Variants in PPP1R3B observed in about 807,000 individuals in gnomAD.
PPP1R3B encodes the protein PP1 subunit R4.
PPP1R3B carries 8 observed loss-of-function variants against 14.6 expected under a neutral mutation model. The ratio of observed to expected loss-of-function variants is 0.55; its 90% CI spans 0.32 to 0.99. The LOEUF (loss-of-function observed/expected upper bound fraction) is 0.99. PPP1R3B is among the 50% of genes least tolerant of loss of function. PPP1R3B has a pLI of 0.04. For missense variants in PPP1R3B, 452 were observed against 360.1 expected (o/e 1.26, Z -2.07); for synonymous variants, 169 against 142.0 (o/e 1.19, Z -1.35).
In PPP1R3B at chr8:9,141,166, T is replaced by C. The variant is rs754282831; in HGVS notation, c.486A>G (p.Ile162Met). Residue 162 changes from isoleucine (I) to methionine (M), a missense_variant, in exon 2 of 2, where the codon ATA becomes ATG. Ile to Met is a conservative substitution (Grantham distance 10, BLOSUM62 1). Coordinates refer to ENST00000310455, the MANE Select transcript of PPP1R3B (RefSeq NM_024607.4). ...TCTTCCAGGTGTCGAACGTCATCCT[T>C]ATTTTCACGGTCTTCTCAAATGCGA... is the stretch of plus-strand genomic sequence containing the variant. The part of the protein sequence containing the change: ...QNLAFEKTVK[I>M]RMTFDTWKSY... 1.2e-6 allele frequency: 2 copies of C among 1,613,964 alleles called. No individual in the cohort carries two copies. Among genetic ancestry groups the C allele is most frequent in the Admixed American group, 1.7e-5 (1 of 59,986 alleles).
At position 9,140,393 on chromosome 8, in the gene PPP1R3B, G is replaced by A; in HGVS notation, c.*401C>T. On this transcript the variant is annotated 3_prime_UTR_variant, in exon 2 of 2. Transcript: ENST00000310455. ...CAAAGATGAACACAATGAACAGTGA[G>A]GGTCTCACGCGAGGTGGCTGGGGCT... 4.3e-6 allele frequency: 1 copy of A among 235,082 alleles called. No homozygotes were observed. Among genetic ancestry groups the A allele is most frequent in the Non-Finnish European group, 8.5e-6 (1 of 118,334 alleles). The allele number at this position is 235,082 out of a possible 1,614,324, so 14.6% of individuals were successfully genotyped here. A position where few individuals can be genotyped will look rare whatever the true frequency, so the allele number is the denominator to read the frequency against.
rs1032081850 is a variant in PPP1R3B, at chr8:9,147,409, T to C, written c.-18+3154A>G. Among the ~76,000 whole-genome samples the C allele has an allele frequency of 2.0e-5, 3 of 152,008 alleles. No homozygotes were observed. In the East Asian group the frequency reaches 5.8e-4, roughly 30 times the overall value. On this transcript the variant is annotated intron_variant, in intron 1 of 1. Coordinates refer to ENST00000310455, the MANE Select transcript of PPP1R3B (RefSeq NM_024607.4). ...TGGGTGTGAACTGAGGGAGGAAGGGTTCCTCTTCACAGCTTCCTCCTCAAC... is the reference window on the plus strand; with the variant it reads ...TGGGTGTGAACTGAGGGAGGAAGGGCTCCTCTTCACAGCTTCCTCCTCAAC...
In PPP1R3B at chr8:9,141,345, T is replaced by A. The variant is rs757705240; in HGVS notation, c.307A>T (p.Thr103Ser). 6 of 1,614,110 alleles carry A rather than the reference T, an allele frequency of 3.7e-6. No homozygotes were observed. The highest frequency in any genetic ancestry group is 5.1e-6 in the Non-Finnish European group (6 of 1,180,060). The part of the protein sequence containing the change: ...TELLDNIVSL[T>S]TAESESFVLD... ...ACAAAGCTCTCGCTCTCTGCTGTCG[T>A]CAAGCTCACAATGTTGTCTAGGAGC... The change falls in exon 2 of 2, where the codon ACG (threonine) becomes TCG (serine). Residue 103 changes from threonine (T) to serine (S), a missense_variant. By Grantham distance (58) the Thr-to-Ser change is moderately conservative (BLOSUM62 1). Transcript: ENST00000310455.
At position 9,138,775 on chromosome 8, in the gene PPP1R3B, C is replaced by G. The variant is rs889465045; in HGVS notation, c.*2019G>C. 17 of 152,164 alleles carry G rather than the reference C, an allele frequency of 1.1e-4. No individual in the cohort carries two copies. Among genetic ancestry groups the G allele is most frequent in the Admixed American group, 1.1e-3 (17 of 15,282 alleles). The allele number at this position is 152,164 out of a possible 1,614,324, so 9.4% of individuals were successfully genotyped here. A position where few individuals can be genotyped will look rare whatever the true frequency, so the allele number is the denominator to read the frequency against. On this transcript the variant is annotated 3_prime_UTR_variant, in exon 2 of 2. Coordinates refer to ENST00000310455, the MANE Select transcript of PPP1R3B (RefSeq NM_024607.4). ...AAAATAAAAGAGTCGTTTAACCAAA[C>G]TCCAAAAACAAACAAAAATAGAAAA...
chr8:9,150,225 C>G (rs1801378061), intron 1 of PPP1R3B, among the ~76,000 whole-genome samples: 1 of 152,120 alleles, frequency 6.6e-6, no homozygotes, highest in African/African-American at 2.4e-5. Flanking sequence ...CAGGCAGGCC[C>G]CCGCCACTCA....
At position 9,141,157 on chromosome 8, in the gene PPP1R3B, C is replaced by T. The variant is rs138887555; in HGVS notation, c.495G>A (p.Thr165=). Residue 165 remains threonine (T), a synonymous_variant, in exon 2 of 2, where the codon ACG becomes ACA. Transcript: ENST00000310455. ...CTGTGTAGCTCTTCCAGGTGTCGAA[C>T]GTCATCCTTATTTTCACGGTCTTCT... ...AFEKTVKIRM[T]FDTWKSYTDF... The T allele has an allele frequency of 1.1e-5, 17 of 1,613,982 alleles. No homozygotes were observed. Among genetic ancestry groups the T allele is most frequent in the Admixed American group, 1.7e-5 (1 of 59,990 alleles).
intron 1 of PPP1R3B, among the ~76,000 whole-genome samples, chr8:9,148,371 C>T (rs936702600): frequency 1.3e-5 from 2 of 151,974 alleles, no homozygotes; most frequent in South Asian, 4.2e-4. Flanking sequence ...ATATGAGTCA[C>T]CAAAGTTGGC....
At chr8:9,149,640 T>C (rs1391227725) in intron 1 of PPP1R3B, among the ~76,000 whole-genome samples, 1 of 152,228 alleles carries the variant, frequency 6.6e-6, no homozygotes, top group South Asian at 2.1e-4. Flanking sequence ...GACATGGCCA[T>C]CTACCTCCCT....
In PPP1R3B at chr8:9,142,086, TGAG is replaced by T. The variant is rs1339301176; in HGVS notation, c.-17-421_-17-419del. Among the ~76,000 whole-genome samples the T allele has an allele frequency of 4.6e-5, 7 of 152,320 alleles. No individual in the cohort carries two copies. The East Asian group carries it at 1.2e-3, about 25-fold the overall frequency. On this transcript the variant is annotated intron_variant, in intron 1 of 1. Transcript: ENST00000310455. ...GGGTGTCTTCCACAGATAGCTGTCC[TGAG>T]GGACACTATTTATTTACGTATTTTT... is the stretch of plus-strand genomic sequence containing the variant.
At chr8:9,146,560 A>C (rs1263150938) in intron 1 of PPP1R3B, among the ~76,000 whole-genome samples, 1 of 152,244 alleles carries the variant, frequency 6.6e-6, no homozygotes, top group Non-Finnish European at 1.5e-5. Context: ...AAAAGTACAG[A>C]ACTTCCCTGG....
At position 9,150,380 on chromosome 8, in the gene PPP1R3B, G is replaced by A. The variant is rs945476095; in HGVS notation, c.-18+183C>T. 1.3e-5 allele frequency among the ~76,000 whole-genome samples: 2 copies of A among 152,198 alleles called. 1 individual carries two copies. Among genetic ancestry groups the A allele is most frequent in the South Asian group, 4.1e-4 (2 of 4,834 alleles). On this transcript the variant is annotated intron_variant, in intron 1 of 1. Transcript: ENST00000310455. ...ACCGGCCCCCACTCCCTCTTTTGCAGCTACTGTGCCTTCCACACCCCTTTT... is the reference window on the plus strand; with the variant it reads ...ACCGGCCCCCACTCCCTCTTTTGCAACTACTGTGCCTTCCACACCCCTTTT...
Position 9,140,659 on chromosome 8 carries a change from G to T in PPP1R3B, c.*135C>A, listed in dbSNP as rs1801043861. On this transcript the variant is annotated 3_prime_UTR_variant, in exon 2 of 2. Coordinates refer to ENST00000310455, the MANE Select transcript of PPP1R3B (RefSeq NM_024607.4). ...TTGCTGTTTAAGAAAGAAGTGAAGA[G>T]GATCCTTTTATTTTCCCAAACGGGG... 1.2e-6 allele frequency: 1 copy of T among 855,922 alleles called. No homozygotes were observed. The highest frequency in any genetic ancestry group is 2.8e-5 in the Admixed American group (1 of 36,258). The allele number at this position is 855,922 out of a possible 1,614,324, so 53.0% of individuals were successfully genotyped here. A position where few individuals can be genotyped will look rare whatever the true frequency, so the allele number is the denominator to read the frequency against.
At chr8:9,146,360 A>C (rs1387519770) in intron 1 of PPP1R3B, among the ~76,000 whole-genome samples, 2 of 152,078 alleles carry the variant, frequency 1.3e-5, no homozygotes, top group African/African-American at 2.4e-5. Context: ...TGGGGAGCTC[A>C]CTCTCAAGCA....
rs549970883 is a variant in PPP1R3B at position 9,149,755 on chromosome 8, T to G, written c.-18+808A>C. Among the ~76,000 whole-genome samples the G allele has an allele frequency of 3.3e-5, 5 of 152,342 alleles. No individual in the cohort carries two copies. The South Asian group carries it at 1.0e-3, about 32-fold the overall frequency. ...GACCATGGGGGCCTATTCACAGCCT[T>G]AAAGGCTCCTTGTACCCCTTGATCC... On this transcript the variant is annotated intron_variant, in intron 1 of 1. Transcript: ENST00000310455.
chr8:9,148,593 G>C (rs763806315), intron 1 of PPP1R3B, among the ~76,000 whole-genome samples: 2 of 152,210 alleles, frequency 1.3e-5, no homozygotes, highest in African/African-American at 4.8e-5. Flanking sequence ...CTTGAGGGTA[G>C]ATTACAGTGT....
Position 9,140,118 on chromosome 8 carries a change from A to G in PPP1R3B, c.*676T>C, listed in dbSNP as rs905134688. On this transcript the variant is annotated 3_prime_UTR_variant, in exon 2 of 2. Transcript: ENST00000310455. The stretch of plus-strand genomic sequence containing the variant: ...CTGCTGGAATACATCTGTGGGGTCA[A>G]GAAGCGGGAGGAGGAAATGCCTGTC... 1.3e-5 allele frequency: 2 copies of G among 155,528 alleles called. No individual in the cohort carries two copies. The highest frequency in any genetic ancestry group is 4.8e-5 in the African/African-American group (2 of 41,574). 9.6% of individuals were successfully genotyped at this position (155,528 alleles called of 1,614,324 possible).
rs537432545 is a variant in PPP1R3B at position 9,137,249 on chromosome 8, G to A, written c.*3545C>T. ...GAAAGCTTATTTATTAAATATCTTT[G>A]TATAATCCAGCTTATTTATTGTACC... On this transcript the variant is annotated 3_prime_UTR_variant, in exon 2 of 2. Coordinates refer to ENST00000310455, the MANE Select transcript of PPP1R3B (RefSeq NM_024607.4). The A allele has an allele frequency of 1.6e-3, 246 of 152,276 alleles. No individual in the cohort carries two copies. The highest frequency in any genetic ancestry group is 5.5e-3 in the African/African-American group (228 of 41,554). 9.4% of individuals were successfully genotyped at this position (152,276 alleles called of 1,614,324 possible). A position where few individuals can be genotyped will look rare whatever the true frequency, so the allele number is the denominator to read the frequency against.
In PPP1R3B at chr8:9,140,824, T is replaced by G. The variant is rs142370710; in HGVS notation, c.828A>C (p.Leu276Phe). 5.0e-6 allele frequency: 8 copies of G among 1,613,974 alleles called. No individual in the cohort carries two copies. In the African/African-American group the frequency reaches 9.3e-5, roughly 19 times the overall value. Reference sequence around the variant, plus strand: ...AGTAGGGCCCTAGCTTTTCATATCCTAAGTAACTTGGCCACTCTGGAAACA... The same window carrying G: ...AGTAGGGCCCTAGCTTTTCATATCCGAAGTAACTTGGCCACTCTGGAAACA... Reference protein sequence around the residue: ...YGLFPEWPSYLGYEKLGPYY With the variant: ...YGLFPEWPSYFGYEKLGPYY Residue 276 changes from leucine to phenylalanine, a missense_variant, in exon 2 of 2, where the codon TTA becomes TTC. Physicochemically the swap from Leu to Phe is conservative, Grantham distance 22. Transcript: ENST00000310455.
rs760609866 is a variant in PPP1R3B, at chr8:9,140,442, C to T, written c.*352G>A. ...CTGAGTGGCTTTTGGCGACTGATGT[C>T]CCACATCTGAGTGGAGAGCAGAGGA... On this transcript the variant is annotated 3_prime_UTR_variant, in exon 2 of 2. Transcript: ENST00000310455. The T allele has an allele frequency of 3.3e-5, 9 of 273,498 alleles. No individual in the cohort carries two copies. The highest frequency in any genetic ancestry group is 5.5e-5 in the Non-Finnish European group (8 of 144,756). 16.9% of individuals were successfully genotyped at this position (273,498 alleles called of 1,614,324 possible).
Sources: gnomAD v4.1 joint callset for allele counts (sites outside exome capture counted in the v4.1 genomes callset) on GRCh38, gnomAD v4.1.1 for gene constraint, MANE v1.5 for transcripts, NCBI Gene and HGNC (gene_info 2026-07-23, HGNC 2026-07-21) for gene names.